The following FGF12 variants were observed in gnomAD, a reference collection of about 807,000 sequenced individuals.
FGF12 encodes the protein fibroblast growth factor 12B.
Under a neutral mutation model 23.6 loss-of-function variants are expected in FGF12, and 14 were observed. The observed-to-expected ratio is 0.59, with a 90% CI of 0.39 to 0.93. FGF12 has a LOEUF of 0.93. FGF12 is among the 40% of genes least tolerant of loss of function. The pLI is 0.00. For synonymous variants in FGF12, 62 were observed against 77.3 expected, an observed-to-expected ratio of 0.80 and a Z score of 1.04; for missense variants, 175 against 217.8, an observed-to-expected ratio of 0.80 and a Z score of 1.24.
intron 4 of FGF12, among the ~76,000 whole-genome samples, chr3:192,303,828 G>C (rs116607963): frequency 0.028 from 4,280 of 152,206 alleles, 158 homozygotes; most frequent in South Asian, 0.17. Flanking sequence ...GCAGTGTTGT[G>C]CTAATCACAA....
At chr3:192,680,148 G>C (rs1717467024) in intron 2 of FGF12, among the ~76,000 whole-genome samples, 1 of 152,170 alleles carries the variant, frequency 6.6e-6, no homozygotes. Flanking sequence ...ATACCGTAGG[G>C]AGTCAGAAAT....
intron 2 of FGF12, among the ~76,000 whole-genome samples, chr3:192,508,859 G>A (rs1325291332): frequency 6.6e-6 from 1 of 152,138 alleles, no homozygotes; most frequent in African/African-American, 2.4e-5. Context: ...ATCTTAGATT[G>A]AATTAATTAT....
intron 5 of FGF12, among the ~76,000 whole-genome samples, chr3:192,167,771 A>ATTTTT (rs1560175808): frequency 1.4e-4 from 3 of 21,332 alleles, no homozygotes; most frequent in Non-Finnish European, 1.8e-4. Context: ...ATATATATAA[A>ATTTTT]ATTTTTTTTT....
chr3:192,458,062 G>A (rs1722734414), intron 2 of FGF12, among the ~76,000 whole-genome samples: 1 of 152,236 alleles, frequency 6.6e-6, no homozygotes, highest in African/African-American at 2.4e-5. Context: ...GCCTGCAGGT[G>A]CACAGAAGTC....
chr3:192,486,331 C>T (rs188515888), intron 2 of FGF12, among the ~76,000 whole-genome samples: 1 of 151,888 alleles, frequency 6.6e-6, no homozygotes, highest in Admixed American at 6.6e-5. Context: ...AAATTGCATT[C>T]AGTGTATGAA....
At chr3:192,633,450 T>C (rs906803272) in intron 2 of FGF12, among the ~76,000 whole-genome samples, 6 of 152,192 alleles carry the variant, frequency 3.9e-5, no homozygotes, top group African/African-American at 1.4e-4. Context: ...CCTTAGGTTC[T>C]TGGCGGACAT....
intron 2 of FGF12, among the ~76,000 whole-genome samples, chr3:192,603,943 G>A (rs368867779): frequency 9.9e-5 from 15 of 152,202 alleles, no homozygotes; most frequent in East Asian, 7.7e-4. Flanking sequence ...AGACCAGGGC[G>A]TATCTCAGTC....
rs2108571779 is a variant in FGF12 at position 192,141,058 on chromosome 3, A to G, written c.*2951T>C. 7.2e-6 allele frequency: 1 copy of G among 139,272 alleles called. No homozygotes were observed. Among genetic ancestry groups the G allele is most frequent in the South Asian group, 2.3e-4 (1 of 4,440 alleles). The allele number at this position is 139,272 out of a possible 1,614,324, so 8.6% of individuals were successfully genotyped here. On this transcript the variant is annotated 3_prime_UTR_variant, in exon 6 of 6. Transcript: ENST00000445105. ...TCAGAATAAACATATCTTAATTTAT[A>G]TCTGCGTAGCCAATTGCAAAGCATT...
chr3:192,305,679 A>ATATATATATAT (rs1553794685), intron 4 of FGF12, among the ~76,000 whole-genome samples: 7 of 131,928 alleles, frequency 5.3e-5, no homozygotes, highest in South Asian at 2.6e-4. Context: ...AAAAAAAAAA[A>ATATATATATAT]ATATATATAT....
At chr3:192,167,730 G>A (rs1439233643) in intron 5 of FGF12, among the ~76,000 whole-genome samples, 1 of 33,688 alleles carries the variant, frequency 3.0e-5, no homozygotes, top group Non-Finnish European at 4.7e-5. Context: ...GTAGGTTATA[G>A]GTATATATAT....
At chr3:192,647,069 T>C (rs1716032629) in intron 2 of FGF12, among the ~76,000 whole-genome samples, 1 of 152,122 alleles carries the variant, frequency 6.6e-6, no homozygotes, top group Non-Finnish European at 1.5e-5. Flanking sequence ...ACAATGACTT[T>C]GGAAATTCAG....
At chr3:192,717,025 C>T (rs1003885974) in intron 2 of FGF12, among the ~76,000 whole-genome samples, 2 of 152,124 alleles carry the variant, frequency 1.3e-5, no homozygotes, top group Non-Finnish European at 1.5e-5. Flanking sequence ...CTTGAACCCA[C>T]CTGATAACAG....
intron 4 of FGF12, among the ~76,000 whole-genome samples, chr3:192,231,129 T>C (rs1577258654): frequency 6.6e-6 from 1 of 152,290 alleles, no homozygotes; most frequent in South Asian, 2.1e-4. Context: ...TATACCATCC[T>C]CTCTGGCCTT....
At chr3:192,376,230 T>A (rs984313906) in intron 2 of FGF12, among the ~76,000 whole-genome samples, 15 of 152,026 alleles carry the variant, frequency 9.9e-5, no homozygotes, top group African/African-American at 3.6e-4. Flanking sequence ...ATTTGTCTGC[T>A]TTCATCTCCA....
At chr3:192,422,613 T>C (rs529730346) in intron 2 of FGF12, among the ~76,000 whole-genome samples, 1 of 152,310 alleles carries the variant, frequency 6.6e-6, no homozygotes, top group Non-Finnish European at 1.5e-5. Flanking sequence ...ATTTTTCAAG[T>C]GCTTATCATT....
intron 2 of FGF12, among the ~76,000 whole-genome samples, chr3:192,414,224 C>T (rs2108780143): frequency 6.6e-6 from 1 of 152,236 alleles, no homozygotes; most frequent in Admixed American, 6.5e-5. Context: ...GCCCTACACA[C>T]TTATAAGTGC....
chr3:192,518,471 A>C (rs1319349427), intron 2 of FGF12, among the ~76,000 whole-genome samples: 3 of 152,242 alleles, frequency 2.0e-5, no homozygotes, highest in African/African-American at 7.2e-5. Flanking sequence ...AAGACTAAAC[A>C]TAGGCATCTG....
intron 2 of FGF12, among the ~76,000 whole-genome samples, chr3:192,684,341 T>C (rs1306111672): frequency 6.6e-6 from 1 of 152,208 alleles, no homozygotes; most frequent in Non-Finnish European, 1.5e-5. Context: ...CAGTGAGTAA[T>C]CATCACGAGT....
intron 2 of FGF12, among the ~76,000 whole-genome samples, chr3:192,484,759 T>C (rs1211375878): frequency 5.9e-5 from 9 of 152,224 alleles, no homozygotes; most frequent in African/African-American, 1.9e-4. Flanking sequence ...ATTGTATTTA[T>C]ATGAAATGTA....
Sources: allele counts gnomAD v4.1 joint callset (sites outside exome capture counted in the v4.1 genomes callset), GRCh38; gene constraint gnomAD v4.1.1; transcripts MANE v1.5; gene names NCBI Gene and HGNC (gene_info 2026-07-23, HGNC 2026-07-21).